NBAS: variants seen among roughly 807,000 people sequenced by gnomAD.
NBAS encodes the protein NAG/BC035112 fusion.
A neutral mutation model predicts 302.5 loss-of-function variants in NBAS; 219 were observed. The ratio of observed to expected loss-of-function variants is 0.72; its 90% CI spans 0.65 to 0.81. NBAS has a LOEUF of 0.81. Ranked by LOEUF, NBAS falls within the 30% of genes least tolerant of loss-of-function variation. The probability of loss-of-function intolerance (pLI) is 0.00; values close to 1 mark genes in which losing one functional copy is unlikely to be tolerated. For synonymous variants in NBAS, 1,118 were observed against 1,021.6 expected (o/e 1.09, Z -1.80); for missense variants, 2,932 against 2,841.6 (o/e 1.03, Z -0.72).
At chr2:15,505,753 T>G (rs1170782582) in intron 10 of NBAS, among the ~76,000 whole-genome samples, 1 of 152,104 alleles carries the variant, frequency 6.6e-6, no homozygotes, top group Non-Finnish European at 1.5e-5. Flanking sequence ...AAATTATGGC[T>G]GAAAAAACAA....
chr2:15,547,601 C>A (rs1664175995), intron 6 of NBAS, among the ~76,000 whole-genome samples: 1 of 152,098 alleles, frequency 6.6e-6, no homozygotes, highest in Non-Finnish European at 1.5e-5. Context: ...CTCGATTTAC[C>A]TACTGGCTAG....
chr2:15,152,127 G>A, the NBAS span, among the ~76,000 whole-genome samples: 5 of 152,312 alleles, frequency 3.3e-5, 1 homozygote, highest in Admixed American at 3.3e-4. Context: ...TGGGATTACA[G>A]GCATGAGCCA....
chr2:15,313,801 A>T (rs1266707557), intron 38 of NBAS, among the ~76,000 whole-genome samples: 1 of 152,212 alleles, frequency 6.6e-6, no homozygotes, highest in Non-Finnish European at 1.5e-5. Context: ...CCAGCTGGAG[A>T]ATGTGCAAAA....
intron 6 of NBAS, among the ~76,000 whole-genome samples, chr2:15,540,062 A>G (rs1232619442): frequency 2.6e-5 from 4 of 152,232 alleles, no homozygotes; most frequent in African/African-American, 7.2e-5. Flanking sequence ...GAAGAAAAAG[A>G]GGATGTGAAA....
intron 23 of NBAS, among the ~76,000 whole-genome samples, chr2:15,419,736 G>A (rs905679766): frequency 2.6e-5 from 4 of 151,430 alleles, no homozygotes; most frequent in East Asian, 1.9e-4. Context: ...TTTTGAGACC[G>A]AGTCTCACTC....
chr2:15,298,507 C>G (rs1267476752), intron 40 of NBAS, among the ~76,000 whole-genome samples: 1 of 152,172 alleles, frequency 6.6e-6, no homozygotes, highest in African/African-American at 2.4e-5. Flanking sequence ...CCCATAAAGA[C>G]TAAATGAAAC....
At chr2:15,238,433 AC>A in intron 45 of NBAS, 34 bp downstream of exon 45, 1 of 1,581,862 alleles carries the variant, frequency 6.3e-7, no homozygotes, top group South Asian at 1.1e-5. Flanking sequence ...ATATACTGAT[AC>A]AGAGTGAGCA....
chr2:14,974,124 A>T, the NBAS span, among the ~76,000 whole-genome samples: 5 of 152,122 alleles, frequency 3.3e-5, no homozygotes, highest in African/African-American at 4.8e-5. Context: ...AAACACCACA[A>T]CTGGTCTTAC....
chr2:15,101,279 A>G, the NBAS span, among the ~76,000 whole-genome samples: 1 of 152,204 alleles, frequency 6.6e-6, no homozygotes, highest in Non-Finnish European at 1.5e-5. Flanking sequence ...AATATTATTA[A>G]TAATTCCAGG....
chr2:15,076,491 C>A, the NBAS span, among the ~76,000 whole-genome samples: 2 of 152,156 alleles, frequency 1.3e-5, no homozygotes, highest in Non-Finnish European at 1.5e-5. Context: ...CAGGGTTTGA[C>A]TTGGACTGGG....
intron 21 of NBAS, among the ~76,000 whole-genome samples, chr2:15,440,621 C>G (rs181369614): frequency 3.3e-5 from 5 of 152,304 alleles, no homozygotes; most frequent in African/African-American, 1.2e-4. Context: ...TCCAAAGGAA[C>G]GCAGTTCCTC....
rs1672142676 is a variant in NBAS, at chr2:15,327,827, C to CT, written c.4504dup (p.Ser1502LysfsTer16). 1 of 1,613,544 alleles carries CT rather than the reference C, an allele frequency of 6.2e-7. No individual in the cohort carries two copies. Among genetic ancestry groups the CT allele is most frequent in the Non-Finnish European group, 8.5e-7 (1 of 1,179,774 alleles). On this transcript the variant is annotated frameshift_variant, in exon 38 of 52. Coordinates refer to ENST00000281513, the MANE Select transcript of NBAS (RefSeq NM_015909.4). LOFTEE classifies it high-confidence loss of function. The stretch of plus-strand genomic sequence containing the variant: ...AGTTCTCAGCAATACTTCTGCAAAG[C>CT]TTTCCACTGGAACATGCTGATAGGT...
intron 28 of NBAS, among the ~76,000 whole-genome samples, chr2:15,387,872 C>A (rs1053665282): frequency 1.3e-5 from 2 of 151,692 alleles, no homozygotes; most frequent in African/African-American, 2.4e-5. Flanking sequence ...AAACTCAAAG[C>A]GGTCTGCCCG....
chr2:15,461,431 C>G, intron 20 of NBAS, 94 bp from the exon 21 acceptor site: 3 of 1,329,744 alleles, frequency 2.3e-6, no homozygotes, highest in South Asian at 1.2e-5. Flanking sequence ...CTTTTTTATG[C>G]AGCTCTGATA....
intron 51 of NBAS, among the ~76,000 whole-genome samples, chr2:15,170,005 C>T (rs1362457219): frequency 6.6e-6 from 1 of 152,228 alleles, no homozygotes; most frequent in African/African-American, 2.4e-5. Flanking sequence ...TGATAAGATG[C>T]ACAGATAAAA....
chr2:15,494,833 T>C (rs1318444639), intron 11 of NBAS, among the ~76,000 whole-genome samples: 2 of 152,266 alleles, frequency 1.3e-5, no homozygotes, highest in East Asian at 3.9e-4. Context: ...CTCCCAGATA[T>C]CTCTGATGTG....
At chr2:15,212,372 G>A (rs1558441712) in intron 48 of NBAS, among the ~76,000 whole-genome samples, 3 of 152,164 alleles carry the variant, frequency 2.0e-5, no homozygotes, top group Admixed American at 1.3e-4. Context: ...CATGATACTC[G>A]CGGCTCTCCA....
At chr2:15,409,198 A>G (rs1676565428) in intron 25 of NBAS, among the ~76,000 whole-genome samples, 1 of 152,138 alleles carries the variant, frequency 6.6e-6, no homozygotes, top group Non-Finnish European at 1.5e-5. Context: ...CTTTTGTTTA[A>G]TCCTAGGCCA....
chr2:15,431,792 G>A (rs930412062), intron 21 of NBAS, among the ~76,000 whole-genome samples: 1 of 151,824 alleles, frequency 6.6e-6, no homozygotes, highest in Non-Finnish European at 1.5e-5. Flanking sequence ...TAGTAGTAAT[G>A]GTATACATCT....
Sources: allele counts gnomAD v4.1 joint callset (sites outside exome capture counted in the v4.1 genomes callset), GRCh38; gene constraint gnomAD v4.1.1; transcripts MANE v1.5; gene names NCBI Gene and HGNC (gene_info 2026-07-23, HGNC 2026-07-21).